Variants in KIAA0825 observed in about 807,000 individuals in gnomAD.
KIAA0825 encodes the protein KIAA0825.
In KIAA0825, 119 loss-of-function variants were observed where a neutral mutation model predicts 147.6. The ratio of observed to expected loss-of-function variants is 0.81; its 90% CI spans 0.69 to 0.94. KIAA0825 has a LOEUF of 0.94. KIAA0825 is among the 40% of genes least tolerant of loss of function. The pLI is 0.00. For synonymous variants in KIAA0825, 470 were observed against 518.1 expected (o/e 0.91, Z 1.26); for missense variants, 1,381 against 1,472.7 (o/e 0.94, Z 1.02).
At chr5:94,610,594 C>T (rs935596642) in intron 1 of KIAA0825, among the ~76,000 whole-genome samples, 1 of 148,970 alleles carries the variant, frequency 6.7e-6, no homozygotes, top group South Asian at 2.1e-4. Context: ...GAAACCCTAT[C>T]TCTACTAAAA....
intron 20 of KIAA0825, among the ~76,000 whole-genome samples, chr5:94,249,195 T>G (rs1461076721): frequency 6.6e-6 from 1 of 152,164 alleles, no homozygotes; most frequent in Non-Finnish European, 1.5e-5. Context: ...ATTTATCTTC[T>G]GTATGTGAGG....
At chr5:94,444,979 T>A (rs191769412) in intron 13 of KIAA0825, among the ~76,000 whole-genome samples, 107 of 152,210 alleles carry the variant, frequency 7.0e-4, no homozygotes, top group African/African-American at 2.6e-3. Context: ...AAACTTACAA[T>A]AATGGCAGAA....
At chr5:94,497,115 A>G (rs1562559710) in intron 5 of KIAA0825, among the ~76,000 whole-genome samples, 1 of 152,222 alleles carries the variant, frequency 6.6e-6, no homozygotes, top group Non-Finnish European at 1.5e-5. Flanking sequence ...CTTAATTAAA[A>G]CCAAAATGAG....
At chr5:94,461,781 A>G (rs566314581) in intron 12 of KIAA0825, among the ~76,000 whole-genome samples, 1 of 152,010 alleles carries the variant, frequency 6.6e-6, no homozygotes, top group South Asian at 2.1e-4. Context: ...AAAAAATAAA[A>G]GTGACAATTT....
At chr5:94,545,800 T>C (rs1381285237) in intron 2 of KIAA0825, among the ~76,000 whole-genome samples, 1 of 152,132 alleles carries the variant, frequency 6.6e-6, no homozygotes, top group Non-Finnish European at 1.5e-5. Flanking sequence ...GTGATGACTA[T>C]GGTGAAAGAC....
At chr5:94,553,165 G>A (rs554046917) in intron 2 of KIAA0825, among the ~76,000 whole-genome samples, 4 of 152,262 alleles carry the variant, frequency 2.6e-5, no homozygotes, top group East Asian at 1.9e-4. Flanking sequence ...AAGGCTGGGC[G>A]GAGTGACTCA....
At chr5:94,429,933 C>T (rs1269038622) in intron 14 of KIAA0825, among the ~76,000 whole-genome samples, 1 of 152,156 alleles carries the variant, frequency 6.6e-6, no homozygotes, top group East Asian at 1.9e-4. Context: ...AGAAAGGCTT[C>T]CCTGCACCAG....
At chr5:94,299,191 G>A (rs1309621398) in intron 20 of KIAA0825, among the ~76,000 whole-genome samples, 1 of 151,940 alleles carries the variant, frequency 6.6e-6, no homozygotes, top group African/African-American at 2.4e-5. Flanking sequence ...GGCACTGACT[G>A]GATAACTATA....
intron 20 of KIAA0825, among the ~76,000 whole-genome samples, chr5:94,245,669 G>T (rs1775566959): frequency 1.3e-5 from 2 of 152,026 alleles, no homozygotes; most frequent in Admixed American, 6.6e-5. Context: ...GCATGCGGGG[G>T]TCAACTTACC....
chr5:94,592,843 T>A (rs1561366439), intron 1 of KIAA0825: 1 of 567,496 alleles, frequency 1.8e-6, no homozygotes. Flanking sequence ...TCCATTCTCC[T>A]GGACTGTGTT....
intron 1 of KIAA0825, chr5:94,615,815 A>G (rs1790296562): frequency 6.6e-6 from 1 of 152,178 alleles, no homozygotes. Context: ...CATTCATTCA[A>G]TAAATGCTTA....
At chr5:94,506,163 T>A (rs1316910979) in intron 5 of KIAA0825, among the ~76,000 whole-genome samples, 2 of 152,236 alleles carry the variant, frequency 1.3e-5, no homozygotes, top group Non-Finnish European at 2.9e-5. Flanking sequence ...ATCAATTTTT[T>A]AAAATTAGCC....
intron 20 of KIAA0825, among the ~76,000 whole-genome samples, chr5:94,175,564 TTCTC>T (rs1317036619): frequency 5.3e-5 from 8 of 152,154 alleles, no homozygotes; most frequent in Admixed American, 4.6e-4. Flanking sequence ...AGAGCCTTCT[TTCTC>T]ACCTACACAG....
intron 20 of KIAA0825, among the ~76,000 whole-genome samples, chr5:94,203,600 T>C (rs1410711226): frequency 6.6e-6 from 1 of 152,122 alleles, no homozygotes; most frequent in East Asian, 1.9e-4. Flanking sequence ...AGGGACCAGA[T>C]GTTTAAATTT....
intron 20 of KIAA0825, among the ~76,000 whole-genome samples, chr5:94,318,288 T>C (rs1321432478): frequency 9.2e-5 from 14 of 151,880 alleles, no homozygotes; most frequent in Non-Finnish European, 1.5e-5. Flanking sequence ...GTATGCACAT[T>C]ATATGATAGA....
intron 1 of KIAA0825, among the ~76,000 whole-genome samples, chr5:94,608,880 G>A (rs181744132): frequency 7.2e-5 from 11 of 152,018 alleles, no homozygotes; most frequent in Admixed American, 4.6e-4. Context: ...AATTTTTAAC[G>A]TTGTATAATG....
At position 94,556,503 on chromosome 5, in the gene KIAA0825, A is replaced by G. The variant is rs140689903; in HGVS notation, c.-1-19376T>C. ...TTTAAAGTTCTTAAATTAAGTTCCAAGAGTTTAAAAATTTCTCCTAAAATG... is the reference window on the plus strand; with the variant it reads ...TTTAAAGTTCTTAAATTAAGTTCCAGGAGTTTAAAAATTTCTCCTAAAATG... On this transcript the variant is annotated intron_variant, in intron 2 of 20. Transcript: ENST00000682413. Among the ~76,000 whole-genome samples the G allele has an allele frequency of 2.2e-3, 341 of 152,326 alleles. 1 individual carries two copies. Among genetic ancestry groups the G allele is most frequent in the African/African-American group, 7.5e-3 (313 of 41,574 alleles).
intron 20 of KIAA0825, among the ~76,000 whole-genome samples, chr5:94,280,487 G>A (rs1240175062): frequency 6.6e-6 from 1 of 152,048 alleles, no homozygotes; most frequent in Non-Finnish European, 1.5e-5. Flanking sequence ...TGCCATTTTA[G>A]TGGGAGAAAA....
intron 3 of KIAA0825, among the ~76,000 whole-genome samples, chr5:94,528,314 T>G (rs1239459210): frequency 6.6e-5 from 10 of 152,190 alleles, no homozygotes; most frequent in Non-Finnish European, 8.8e-5. Context: ...CAGAGTTTAC[T>G]ATGAGCAACA....
Sources: gnomAD v4.1 joint callset for allele counts (sites outside exome capture counted in the v4.1 genomes callset) on GRCh38, gnomAD v4.1.1 for gene constraint, MANE v1.5 for transcripts, NCBI Gene and HGNC (gene_info 2026-07-23, HGNC 2026-07-21) for gene names.